ARHGAP6: variants seen among roughly 807,000 people sequenced by gnomAD.
ARHGAP6 encodes the protein Rho GTPase activating protein 6.
A neutral mutation model predicts 55.7 loss-of-function variants in ARHGAP6; 16 were observed. The ratio of observed to expected loss-of-function variants is 0.29; its 90% confidence interval spans 0.19 to 0.44. The LOEUF is 0.44. Among genes scored for constraint, ARHGAP6 ranks in the 20% least tolerant of loss-of-function variants. ARHGAP6 has a pLI of 1.00. For missense variants in ARHGAP6, 698 were observed against 808.9 expected (o/e 0.86, Z 1.66); for synonymous variants, 382 against 360.9 (o/e 1.06, Z -0.66).
At chrX:11,376,466 A>G (rs908005586) in intron 1 of ARHGAP6, among the ~76,000 whole-genome samples, 2 of 113,029 alleles carry the variant, frequency 1.8e-5, no homozygotes, top group Non-Finnish European at 3.7e-5. Flanking sequence ...ACAAAAGCCA[A>G]TGAATGAGGG....
chrX:11,623,498 T>C (rs2052254537), intron 1 of ARHGAP6, among the ~76,000 whole-genome samples: 1 of 109,143 alleles, frequency 9.2e-6, no homozygotes, highest in South Asian at 4.0e-4. Context: ...GAGACCATCC[T>C]GGCCAACACG....
chrX:11,139,036 C>T lies in ARHGAP6; in HGVS notation c.2752G>A (p.Glu918Lys), dbSNP rs778613406. ...AGTTTTTTCTGCGTGACCTGCTGCT[C>T]TCGCTCGGCTGCTTGGCCTCCCTGG... ...TDQGGQAAER[E>K]QQVTQKKLSS... The change falls in exon 13 of 13, where the codon GAG becomes AAG. Residue 918 changes from glutamate to lysine, a missense_variant. Physicochemically the swap from Glu to Lys is moderately conservative, Grantham distance 56. Coordinates refer to ENST00000337414, the MANE Select transcript of ARHGAP6 (RefSeq NM_013427.3). 38 of 1,208,016 alleles carry T rather than the reference C, an allele frequency of 3.1e-5. No individual in the cohort carries two copies. Among genetic ancestry groups the T allele is most frequent in the Non-Finnish European group, 4.0e-5 (36 of 894,138 alleles).
chrX:11,428,765 T>G (rs761907237), intron 1 of ARHGAP6, among the ~76,000 whole-genome samples: 2 of 111,886 alleles, frequency 1.8e-5, no homozygotes, highest in South Asian at 7.5e-4. Context: ...CCTTACAATT[T>G]AGTTGAATGA....
At chrX:11,326,396 G>A (rs1275797584) in intron 1 of ARHGAP6, among the ~76,000 whole-genome samples, 1 of 111,379 alleles carries the variant, frequency 9.0e-6, no homozygotes, top group East Asian at 2.8e-4. Context: ...CCAAAGTGCT[G>A]GGATTACAGG....
chrX:11,289,296 C>T (rs1466652789), intron 1 of ARHGAP6, among the ~76,000 whole-genome samples: 2 of 111,420 alleles, frequency 1.8e-5, no homozygotes, highest in African/African-American at 6.5e-5. Context: ...TACCCAGGGC[C>T]TATGCAAGTA....
intron 10 of ARHGAP6, among the ~76,000 whole-genome samples, chrX:11,146,828 G>T (rs1248680567): frequency 1.8e-5 from 2 of 111,918 alleles, no homozygotes; most frequent in African/African-American, 6.5e-5. Context: ...GTAGTAAAAT[G>T]CTCTTTCTTA....
At chrX:11,522,476 G>A (rs1269981259) in intron 1 of ARHGAP6, among the ~76,000 whole-genome samples, 10 of 110,520 alleles carry the variant, frequency 9.0e-5, no homozygotes, top group Non-Finnish European at 1.7e-4. Flanking sequence ...CAACAAAATC[G>A]ATAGACCGCT....
At chrX:11,500,399 C>T (rs942396644) in intron 1 of ARHGAP6, among the ~76,000 whole-genome samples, 2 of 106,364 alleles carry the variant, frequency 1.9e-5, no homozygotes, top group Admixed American at 1.0e-4. Flanking sequence ...CGGTGACTCA[C>T]GCTGTAATCC....
intron 1 of ARHGAP6, among the ~76,000 whole-genome samples, chrX:11,634,593 A>G (rs2052397892): frequency 8.9e-6 from 1 of 111,957 alleles, no homozygotes; most frequent in Non-Finnish European, 1.9e-5. Context: ...ATCCAATTAG[A>G]TAAGAATAAT....
chrX:11,589,332 G>A (rs1447564874), intron 1 of ARHGAP6, among the ~76,000 whole-genome samples: 2 of 108,840 alleles, frequency 1.8e-5, no homozygotes, highest in Admixed American at 1.0e-4. Flanking sequence ...ACGAGCCACC[G>A]CACCAGCCTG....
At chrX:11,345,944 G>C (rs746050114) in intron 1 of ARHGAP6, among the ~76,000 whole-genome samples, 57 of 109,475 alleles carry the variant, frequency 5.2e-4, no homozygotes, top group Admixed American at 3.5e-3. Flanking sequence ...AAAAGTCAGA[G>C]TGAAAAGATG....
intron 1 of ARHGAP6, among the ~76,000 whole-genome samples, chrX:11,470,691 TA>T (rs1396863988): frequency 8.9e-6 from 1 of 112,120 alleles, no homozygotes; most frequent in Non-Finnish European, 1.9e-5. Flanking sequence ...CACTTTCCCT[TA>T]ACTTACTGAG....
intron 10 of ARHGAP6, among the ~76,000 whole-genome samples, chrX:11,153,341 A>G (rs987271313): frequency 9.2e-6 from 1 of 109,134 alleles, no homozygotes; most frequent in African/African-American, 3.3e-5. Context: ...TCTGGCCAAC[A>G]TAGTGAAACC....
chrX:11,405,964 G>C (rs746396673), intron 1 of ARHGAP6, among the ~76,000 whole-genome samples: 6 of 111,480 alleles, frequency 5.4e-5, no homozygotes, highest in African/African-American at 1.6e-4. Flanking sequence ...CTGGAGTGCA[G>C]TGGCATGATC....
chrX:11,223,481 C>T lies in ARHGAP6; in HGVS notation c.749-26485G>A, dbSNP rs186555873. 2.2e-3 allele frequency among the ~76,000 whole-genome samples: 243 copies of T among 111,018 alleles called. 1 individual carries two copies. Among genetic ancestry groups the T allele is most frequent in the African/African-American group, 7.3e-3 (225 of 30,629 alleles). On this transcript the variant is annotated intron_variant, in intron 2 of 12. Coordinates refer to ENST00000337414, the MANE Select transcript of ARHGAP6 (RefSeq NM_013427.3). ...TTATCTAGAAAGCCAATGAAGATGA[C>T]CTCTTTTTGCCTTCCAGATAAAAAT... is the stretch of plus-strand genomic sequence containing the variant.
At chrX:11,660,561 A>C (rs1263714446) in intron 1 of ARHGAP6, among the ~76,000 whole-genome samples, 5 of 94,718 alleles carry the variant, frequency 5.3e-5, no homozygotes, top group African/African-American at 1.9e-4. Flanking sequence ...AAAAAAAAAA[A>C]AAAAAAAAAA....
At chrX:11,414,769 A>G (rs1245494811) in intron 1 of ARHGAP6, among the ~76,000 whole-genome samples, 2 of 111,882 alleles carry the variant, frequency 1.8e-5, no homozygotes, top group African/African-American at 6.5e-5. Flanking sequence ...GGATTAATAT[A>G]TTTTTCTTTC....
intron 2 of ARHGAP6, among the ~76,000 whole-genome samples, chrX:11,213,318 A>G: frequency 8.9e-6 from 1 of 112,648 alleles, no homozygotes; most frequent in Non-Finnish European, 1.9e-5. Context: ...TTTATCTAAG[A>G]AAATTGTTGA....
chrX:11,231,421 C>T (rs1015080757), intron 2 of ARHGAP6, among the ~76,000 whole-genome samples: 24 of 111,938 alleles, frequency 2.1e-4, no homozygotes, highest in Admixed American at 1.6e-3. Flanking sequence ...AAGACAGTGC[C>T]CAAGAAATTT....
Sources: gnomAD v4.1 joint callset for allele counts (sites outside exome capture counted in the v4.1 genomes callset) on GRCh38, gnomAD v4.1.1 for gene constraint, MANE v1.5 for transcripts, NCBI Gene and HGNC (gene_info 2026-07-23, HGNC 2026-07-21) for gene names.